The following ERP44 variants were observed in gnomAD, a reference collection of about 807,000 sequenced individuals.
The protein encoded by ERP44 is endoplasmic reticulum protein 44.
In ERP44, 25 loss-of-function variants were observed where a neutral mutation model predicts 53.4. The ratio of observed to expected loss-of-function variants is 0.47; its 90% CI spans 0.34 to 0.65. The LOEUF is 0.65. Among genes scored for constraint, ERP44 ranks in the 30% least tolerant of loss-of-function variants. The pLI is 0.01. For missense variants in ERP44, 338 were observed against 493.2 expected (o/e 0.69, Z 2.98); for synonymous variants, 145 against 161.2 (o/e 0.90, Z 0.76).
intron 1 of ERP44, among the ~76,000 whole-genome samples, chr9:100,061,912 T>C (rs1489180557): frequency 6.6e-6 from 1 of 152,188 alleles, no homozygotes; most frequent in Non-Finnish European, 1.5e-5. Flanking sequence ...ATATGGCACA[T>C]TGGCATTTGA....
At chr9:100,004,227 A>C (rs1830405770) in intron 10 of ERP44, among the ~76,000 whole-genome samples, 1 of 152,140 alleles carries the variant, frequency 6.6e-6, no homozygotes, top group Non-Finnish European at 1.5e-5. Context: ...ACCTGGATCC[A>C]CAAGTGTAGT....
At chr9:100,008,431 G>A (rs1481263140) in intron 8 of ERP44, among the ~76,000 whole-genome samples, 1 of 152,144 alleles carries the variant, frequency 6.6e-6, no homozygotes, top group East Asian at 1.9e-4. Flanking sequence ...AATAAAATGT[G>A]ATATGTAGAC....
chr9:100,085,774 C>T (rs1326715899), intron 1 of ERP44, among the ~76,000 whole-genome samples: 1 of 152,188 alleles, frequency 6.6e-6, no homozygotes, highest in Admixed American at 6.5e-5. Context: ...TGGCGCATGC[C>T]TGTAATCTCA....
At chr9:99,986,204 C>T (rs1830194461) in intron 10 of ERP44, among the ~76,000 whole-genome samples, 1 of 152,166 alleles carries the variant, frequency 6.6e-6, no homozygotes, top group South Asian at 2.1e-4. Context: ...ACCTATAAAA[C>T]ATCAGTTGGT....
intron 1 of ERP44, among the ~76,000 whole-genome samples, chr9:100,070,372 AAGAG>A (rs1826286970): frequency 6.6e-6 from 1 of 152,264 alleles, no homozygotes; most frequent in South Asian, 2.1e-4. Context: ...TTAAAAATAA[AAGAG>A]AGAAAGAAGG....
intron 1 of ERP44, among the ~76,000 whole-genome samples, chr9:100,080,372 A>G (rs979814371): frequency 6.6e-6 from 1 of 152,142 alleles, no homozygotes; most frequent in Admixed American, 6.5e-5. Context: ...CTACAAATTG[A>G]TGAAAATTCT....
At chr9:100,094,066 C>T (rs918271456) in intron 1 of ERP44, among the ~76,000 whole-genome samples, 26 of 152,144 alleles carry the variant, frequency 1.7e-4, no homozygotes, top group African/African-American at 4.8e-4. Flanking sequence ...ATCAAAATTA[C>T]GTAAGCACAA....
chr9:100,052,196 A>C (rs1014099482), intron 4 of ERP44, among the ~76,000 whole-genome samples: 1 of 152,122 alleles, frequency 6.6e-6, no homozygotes, highest in African/African-American at 2.4e-5. Flanking sequence ...CCTTCACACA[A>C]GCAAAATGGA....
At chr9:99,998,419 G>C in intron 10 of ERP44, 2 of 647,170 alleles carry the variant, frequency 3.1e-6, no homozygotes, top group East Asian at 2.7e-5. Context: ...GCCGGTCCTC[G>C]TTTGCCAGTC....
In ERP44 at chr9:100,052,114, T is replaced by G. The variant is rs116676056; in HGVS notation, c.286+303A>C. On this transcript the variant is annotated intron_variant, in intron 4 of 11. Transcript: ENST00000262455. ...TTATTTACTGATTTTGGTATTTGCT[T>G]TGGTAGAAAACACTGCTAGTTTTGT... Among the ~76,000 whole-genome samples the G allele has an allele frequency of 1.3e-3, 202 of 152,294 alleles. 1 individual carries two copies. The highest frequency in any genetic ancestry group is 4.6e-3 in the African/African-American group (192 of 41,570).
intron 2 of ERP44, among the ~76,000 whole-genome samples, chr9:100,058,383 T>C (rs552927832): frequency 2.6e-5 from 4 of 152,174 alleles, no homozygotes; most frequent in Non-Finnish European, 5.9e-5. Context: ...GCTTCCTTCG[T>C]TGCATCTTAA....
chr9:99,994,655 TAAAAA>T (rs905236364), intron 10 of ERP44, among the ~76,000 whole-genome samples: 1 of 150,034 alleles, frequency 6.7e-6, no homozygotes, highest in Non-Finnish European at 1.5e-5. Flanking sequence ...AAAGTACAAT[TAAAAA>T]AAAAATCTAT....
intron 10 of ERP44, among the ~76,000 whole-genome samples, chr9:99,992,123 T>A (rs561039554): frequency 6.6e-6 from 1 of 152,294 alleles, no homozygotes; most frequent in East Asian, 1.9e-4. Flanking sequence ...TCTGAAACTA[T>A]TCCAATCAAT....
At chr9:100,000,197 G>GT (rs2118623172) in intron 10 of ERP44, among the ~76,000 whole-genome samples, 1 of 152,130 alleles carries the variant, frequency 6.6e-6, no homozygotes, top group Non-Finnish European at 1.5e-5. Flanking sequence ...TTGGAAGGCC[G>GT]TAAGTGGGAG....
intron 10 of ERP44, among the ~76,000 whole-genome samples, chr9:100,006,273 C>T (rs1412701930): frequency 6.6e-6 from 1 of 152,260 alleles, no homozygotes; most frequent in East Asian, 1.9e-4. Context: ...TCCAAGCATT[C>T]ATTATCAATT....
chr9:99,981,187 T>C lies in ERP44; in HGVS notation c.*1425A>G, dbSNP rs1427602953. 6.6e-6 allele frequency: 1 copy of C among 152,240 alleles called. No individual in the cohort carries two copies. Among genetic ancestry groups the C allele is most frequent in the Admixed American group, 6.5e-5 (1 of 15,284 alleles). 9.4% of individuals were successfully genotyped at this position (152,240 alleles called of 1,614,324 possible). A position where few individuals can be genotyped will look rare whatever the true frequency, so the allele number is the denominator to read the frequency against. ...CTTTCTTATTCACAATTTGATACAA[T>C]ACATTAAATATACCCCTTATCACCT... On this transcript the variant is annotated 3_prime_UTR_variant, in exon 12 of 12. Coordinates refer to ENST00000262455, the MANE Select transcript of ERP44 (RefSeq NM_015051.3).
At chr9:100,022,961 A>T (rs1324327812) in intron 4 of ERP44, among the ~76,000 whole-genome samples, 1 of 152,218 alleles carries the variant, frequency 6.6e-6, no homozygotes, top group Admixed American at 6.5e-5. Flanking sequence ...AAAATTCTTT[A>T]AACAGAAGAC....
At chr9:100,062,150 C>T (rs1315964809) in intron 1 of ERP44, among the ~76,000 whole-genome samples, 5 of 152,002 alleles carry the variant, frequency 3.3e-5, no homozygotes, top group African/African-American at 4.8e-5. Flanking sequence ...TAGATCATAC[C>T]CCCTTTGTCC....
At chr9:100,047,499 T>C (rs1285089579) in intron 4 of ERP44, among the ~76,000 whole-genome samples, 4 of 152,208 alleles carry the variant, frequency 2.6e-5, no homozygotes, top group Admixed American at 2.0e-4. Flanking sequence ...CTGGAAAACC[T>C]AGAAGTACAC....
Sources: allele counts gnomAD v4.1 joint callset (sites outside exome capture counted in the v4.1 genomes callset), GRCh38; gene constraint gnomAD v4.1.1; transcripts MANE v1.5; gene names NCBI Gene and HGNC (gene_info 2026-07-23, HGNC 2026-07-21).